Variants in PCDHGA7 observed in about 807,000 individuals in gnomAD.
The protein encoded by PCDHGA7 is protocadherin gamma-A7.
A neutral mutation model predicts 58.3 loss-of-function variants in PCDHGA7; 44 were observed. The ratio of observed to expected loss-of-function variants is 0.75; its 90% confidence interval spans 0.59 to 0.97. The LOEUF is 0.97. PCDHGA7 is among the 50% of genes least tolerant of loss of function. The probability of loss-of-function intolerance (pLI) is 0.00; values close to 1 mark genes in which losing one functional copy is unlikely to be tolerated. For missense variants in PCDHGA7, 1,266 were observed against 1,188.7 expected, an observed-to-expected ratio of 1.06 and a Z score of -0.96; for synonymous variants, 516 against 504.2, an observed-to-expected ratio of 1.02 and a Z score of -0.31.
intron 3 of PCDHGA7, among the ~76,000 whole-genome samples, chr5:141,510,329 A>T (rs1433056614): frequency 2.7e-5 from 4 of 150,230 alleles, no homozygotes; most frequent in Admixed American, 2.7e-4. Flanking sequence ...AGCACTCTTC[A>T]CCCCCACCCC....
In PCDHGA7 at chr5:141,489,661, C is replaced by T. The variant is rs756803543; in HGVS notation, c.2425-5146C>T. 36 of 1,614,146 alleles carry T rather than the reference C, an allele frequency of 2.2e-5. 1 individual carries two copies. Among genetic ancestry groups the T allele is most frequent in the South Asian group, 5.5e-5 (5 of 91,090 alleles). ...CTTTGCCACCCCTGAGCGAGAGATG[C>T]GCATCTCAGAATCAGCAGCATCTGG... On this transcript the variant is annotated intron_variant, in intron 1 of 3. Coordinates refer to ENST00000518325, the MANE Select transcript of PCDHGA7 (RefSeq NM_018920.4). The surrounding 1 kb of genome is among the most constrained non-coding windows in gnomAD (Gnocchi z 4.5).
At position 141,385,367 on chromosome 5, in the gene PCDHGA7, A is replaced by G. The variant is rs764038151; in HGVS notation, c.2424+44A>G. 2.0e-5 allele frequency: 31 copies of G among 1,536,828 alleles called. 1 individual carries two copies. In the South Asian group the frequency reaches 3.9e-4, roughly 19 times the overall value. On this transcript the variant is annotated intron_variant, in intron 1 of 3. Coordinates refer to ENST00000518325, the MANE Select transcript of PCDHGA7 (RefSeq NM_018920.4). ...TTATTTCCATGAGGAATTTATTTGCATGATATTTCTCTATTATTTTGCAAA... is the reference window on the plus strand; with the variant it reads ...TTATTTCCATGAGGAATTTATTTGCGTGATATTTCTCTATTATTTTGCAAA...
intron 1 of PCDHGA7, among the ~76,000 whole-genome samples, chr5:141,456,733 G>A (rs1186997201): frequency 6.6e-6 from 1 of 152,182 alleles, no homozygotes; most frequent in Non-Finnish European, 1.5e-5. Context: ...GGGAGGCTGA[G>A]GCGGGAGCAT....
At chr5:141,414,763 C>G in intron 1 of PCDHGA7, 1 of 1,614,258 alleles carries the variant, frequency 6.2e-7, no homozygotes, top group South Asian at 1.1e-5. Flanking sequence ...TGAGCAGTTT[C>G]ATGAGCTACA....
chr5:141,387,780 G>T, intron 1 of PCDHGA7: 2 of 1,461,128 alleles, frequency 1.4e-6, no homozygotes, highest in Admixed American at 2.6e-5. Flanking sequence ...TCTTGAACTG[G>T]AACTGCAACT....
chr5:141,394,076 A>C (rs1329419086), intron 1 of PCDHGA7: 1 of 1,613,896 alleles, frequency 6.2e-7, no homozygotes, highest in Admixed American at 1.7e-5. Flanking sequence ...ACAATATCAC[A>C]GTGATGGCCT....
chr5:141,453,560 G>A (rs1230229107), intron 1 of PCDHGA7, among the ~76,000 whole-genome samples: 3 of 151,968 alleles, frequency 2.0e-5, no homozygotes, highest in Admixed American at 6.6e-5. Flanking sequence ...GTAGATAATC[G>A]ATTTCATTAG....
chr5:141,388,432 A>C (rs760022375), intron 1 of PCDHGA7: 1 of 1,613,760 alleles, frequency 6.2e-7, no homozygotes, highest in South Asian at 1.1e-5. Context: ...CTGATAAATA[A>C]AGAGAAATCA....
intron 1 of PCDHGA7, among the ~76,000 whole-genome samples, chr5:141,469,029 C>A (rs2099189188): frequency 6.6e-6 from 1 of 152,052 alleles, no homozygotes; most frequent in Non-Finnish European, 1.5e-5. Flanking sequence ...GTAATCCCAG[C>A]ACTTTGGGAG....
At position 141,432,480 on chromosome 5, in the gene PCDHGA7, G is replaced by C; in HGVS notation, c.2424+47157G>C. ...GCCCTCCCCACGGACGGTTCCACTGGCGTGGAGCTGGCTCCCCGCTCCGCA... is the reference window on the plus strand; with the variant it reads ...GCCCTCCCCACGGACGGTTCCACTGCCGTGGAGCTGGCTCCCCGCTCCGCA... On this transcript the variant is annotated intron_variant, in intron 1 of 3. Coordinates refer to ENST00000518325, the MANE Select transcript of PCDHGA7 (RefSeq NM_018920.4). The surrounding 1 kb of genome is among the most constrained non-coding windows in gnomAD (Gnocchi z 6.0). 6 of 1,614,180 alleles carry C rather than the reference G, an allele frequency of 3.7e-6. No homozygotes were observed. Among genetic ancestry groups the C allele is most frequent in the Non-Finnish European group, 5.1e-6 (6 of 1,180,044 alleles).
intron 1 of PCDHGA7, chr5:141,399,261 T>G: frequency 1.2e-6 from 2 of 1,613,918 alleles, no homozygotes; most frequent in Non-Finnish European, 1.7e-6. Context: ...ATGGGGAGGT[T>G]AATTGTCAAT....
chr5:141,486,894 C>T lies in PCDHGA7; in HGVS notation c.2425-7913C>T. 1 of 1,614,228 alleles carries T rather than the reference C, an allele frequency of 6.2e-7. No homozygotes were observed. Among genetic ancestry groups the T allele is most frequent in the Non-Finnish European group, 8.5e-7 (1 of 1,180,052 alleles). On this transcript the variant is annotated intron_variant, in intron 1 of 3. Transcript: ENST00000518325. The surrounding 1 kb of genome is among the most constrained non-coding windows in gnomAD (Gnocchi z 5.0). ...CTCCGTCCTCGGGCCCGGCCTGGTT[C>T]CTTATGTCCCCAAGCACTGCCTCCA...
chr5:141,504,824 C>T (rs537283013), intron 2 of PCDHGA7, among the ~76,000 whole-genome samples: 4 of 152,230 alleles, frequency 2.6e-5, no homozygotes, highest in South Asian at 4.1e-4. Context: ...TAGGTCCCCA[C>T]TTTTTCTCTA....
In PCDHGA7 at chr5:141,506,176, C is replaced by T. The variant is rs183157987; in HGVS notation, c.2572+695C>T. ...CCTTAAGAGCACAGCCTAAGCTGGG[C>T]GTGGTGGCTCACGCCTGTAATCCCA... is the stretch of plus-strand genomic sequence containing the variant. On this transcript the variant is annotated intron_variant, in intron 3 of 3. Coordinates refer to ENST00000518325, the MANE Select transcript of PCDHGA7 (RefSeq NM_018920.4). Among the ~76,000 whole-genome samples the T allele has an allele frequency of 3.0e-3, 454 of 152,234 alleles. 1 individual carries two copies. The highest frequency in any genetic ancestry group is 0.021 in the Admixed American group (317 of 15,296).
At chr5:141,445,558 G>A (rs1172697298) in intron 1 of PCDHGA7, among the ~76,000 whole-genome samples, 1 of 152,172 alleles carries the variant, frequency 6.6e-6, no homozygotes, top group Non-Finnish European at 1.5e-5. Flanking sequence ...AAAGCACTAA[G>A]AGAAAGCTTA....
chr5:141,419,140 G>C, intron 1 of PCDHGA7: 1 of 1,613,868 alleles, frequency 6.2e-7, no homozygotes, highest in Non-Finnish European at 8.5e-7. Flanking sequence ...CCACAGACAG[G>C]GGCAAGCCTC....
At chr5:141,433,612 G>A (rs1181458593) in intron 1 of PCDHGA7, among the ~76,000 whole-genome samples, 1 of 152,082 alleles carries the variant, frequency 6.6e-6, no homozygotes, top group Non-Finnish European at 1.5e-5. Context: ...GAGGCGGGTG[G>A]ATCACCTGAG....
rs2099883887 is a variant in PCDHGA7, at chr5:141,511,641, ACC to A, written c.*469_*470del. 4.4e-6 allele frequency: 1 copy of A among 224,930 alleles called. No homozygotes were observed. Among genetic ancestry groups the A allele is most frequent in the Non-Finnish European group, 9.1e-6 (1 of 110,428 alleles). 13.9% of individuals were successfully genotyped at this position (224,930 alleles called of 1,614,324 possible). A position where few individuals can be genotyped will look rare whatever the true frequency, so the allele number is the denominator to read the frequency against. ...TCTGAAAAGTTGGAAGGGCATCATG[ACC>A]TCTTGGCCTCTCCTTTGATTCTCAA... On this transcript the variant is annotated 3_prime_UTR_variant, in exon 4 of 4. Coordinates refer to ENST00000518325, the MANE Select transcript of PCDHGA7 (RefSeq NM_018920.4).
chr5:141,426,104 A>T (rs2096915289), intron 1 of PCDHGA7, among the ~76,000 whole-genome samples: 1 of 152,258 alleles, frequency 6.6e-6, no homozygotes, highest in Non-Finnish European at 1.5e-5. Flanking sequence ...GTTCAGTCAC[A>T]GAAGCAAGTC....
Sources: gnomAD v4.1 joint callset for allele counts (sites outside exome capture counted in the v4.1 genomes callset) on GRCh38, gnomAD v4.1.1 for gene constraint, Gnocchi (gnomAD v3.1) non-coding constraint, MANE v1.5 for transcripts, NCBI Gene and HGNC (gene_info 2026-07-23, HGNC 2026-07-21) for gene names.